Variants in DIP2C observed in about 807,000 individuals in gnomAD.
The protein encoded by DIP2C is disco-interacting protein 2 homolog C.
DIP2C carries 33 observed loss-of-function variants against 192.4 expected under a neutral mutation model. The observed-to-expected ratio is 0.17, with a 90% CI of 0.13 to 0.23. The LOEUF (loss-of-function observed/expected upper bound fraction) is 0.23. Ranked by LOEUF, DIP2C falls within the 10% of genes least tolerant of loss-of-function variation. The pLI is 1.00. For synonymous variants in DIP2C, 979 were observed against 864.1 expected, an observed-to-expected ratio of 1.13 and a Z score of -2.33; for missense variants, 1,537 against 2,110.1, an observed-to-expected ratio of 0.73 and a Z score of 5.32.
At chr10:293,971 CAG>C (rs1256444499) in intron 32 of DIP2C, among the ~76,000 whole-genome samples, 1 of 152,172 alleles carries the variant, frequency 6.6e-6, no homozygotes, top group Non-Finnish European at 1.5e-5. Flanking sequence ...CGAGAGAAAA[CAG>C]AGGAATGTTT....
rs570020522 is a variant in DIP2C at position 420,004 on chromosome 10, G to C, written c.605-805C>G. Among the ~76,000 whole-genome samples, 336 of 152,278 alleles carry C rather than the reference G, an allele frequency of 2.2e-3. 3 individuals carry two copies. The highest frequency in any genetic ancestry group is 3.9e-3 in the Non-Finnish European group (264 of 68,020). On this transcript the variant is annotated intron_variant, in intron 5 of 36. Transcript: ENST00000280886. ...CCACTGATGACGCCCGTCACACCCA[G>C]AATCTTGATGACGGGCGCCACGATG... is the stretch of plus-strand genomic sequence containing the variant.
At chr10:500,192 A>G (rs1335587024) in intron 1 of DIP2C, among the ~76,000 whole-genome samples, 4 of 152,002 alleles carry the variant, frequency 2.6e-5, no homozygotes, top group African/African-American at 9.7e-5. Flanking sequence ...CCTGACAACC[A>G]CCTCTGTGCT....
In DIP2C at chr10:592,510, T is replaced by C. The variant is rs946503331; in HGVS notation, c.85+96984A>G. ...ATAAACTATAGCCACAGGTACCAAC[T>C]AGCATAAAGAAAATATTTTTAAAAT... On this transcript the variant is annotated intron_variant, in intron 1 of 36. Transcript: ENST00000280886. Among the ~76,000 whole-genome samples, 11 of 151,542 alleles carry C rather than the reference T, an allele frequency of 7.3e-5. 1 individual carries two copies. Among genetic ancestry groups the C allele is most frequent in the Non-Finnish European group, 1.5e-4 (10 of 68,028 alleles).
intron 34 of DIP2C, among the ~76,000 whole-genome samples, chr10:283,823 CTT>C (rs893997860): frequency 6.6e-4 from 101 of 152,212 alleles, no homozygotes; most frequent in African/African-American, 2.4e-3. Flanking sequence ...TGCTGAAAAG[CTT>C]TGAGATTTCT....
At chr10:557,289 C>T (rs1045698464) in intron 1 of DIP2C, among the ~76,000 whole-genome samples, 1 of 152,216 alleles carries the variant, frequency 6.6e-6, no homozygotes, top group Non-Finnish European at 1.5e-5. Flanking sequence ...CAGATAGCCA[C>T]AGCCCTGGAC....
At chr10:378,140 C>T (rs558815054) in intron 17 of DIP2C, among the ~76,000 whole-genome samples, 5 of 152,230 alleles carry the variant, frequency 3.3e-5, no homozygotes, top group African/African-American at 1.2e-4. Flanking sequence ...CCCTATTTCC[C>T]CAATATTTTT....
intron 1 of DIP2C, among the ~76,000 whole-genome samples, chr10:579,122 C>A (rs1474143914): frequency 6.6e-6 from 1 of 152,006 alleles, no homozygotes; most frequent in Non-Finnish European, 1.5e-5. Context: ...TACATAGGTA[C>A]ACTAACATGT....
chr10:667,135 C>G (rs1356272673), intron 1 of DIP2C: 1 of 152,340 alleles, frequency 6.6e-6, no homozygotes, highest in Non-Finnish European at 1.5e-5. Flanking sequence ...AGGCGGATGA[C>G]ATGAGGTCAG....
chr10:431,458 ATTATT>A (rs760648832), intron 4 of DIP2C, among the ~76,000 whole-genome samples: 2 of 151,926 alleles, frequency 1.3e-5, no homozygotes, highest in Admixed American at 6.6e-5. Context: ...TTTTTAAATT[ATTATT>A]TTTAGTACAG....
intron 22 of DIP2C, 123 bp from the exon 23 acceptor site, chr10:358,060 C>A: frequency 1.6e-6 from 1 of 639,920 alleles, no homozygotes; most frequent in Non-Finnish European, 2.7e-6. Flanking sequence ...TTTGAATAAA[C>A]CTTCTAAGAA....
chr10:453,165 A>T (rs1046168895), intron 3 of DIP2C, among the ~76,000 whole-genome samples: 2 of 152,240 alleles, frequency 1.3e-5, no homozygotes, highest in African/African-American at 4.8e-5. Context: ...GATAAATGAA[A>T]TCTAGCAGCT....
intron 1 of DIP2C, among the ~76,000 whole-genome samples, chr10:518,831 C>T (rs910531357): frequency 2.0e-5 from 3 of 152,186 alleles, no homozygotes; most frequent in Non-Finnish European, 2.9e-5. Context: ...CTCTCCTCAC[C>T]GCCACCACAG....
chr10:274,992 C>T lies in DIP2C; in HGVS notation c.*2333G>A, dbSNP rs1954437223. The T allele has an allele frequency of 6.6e-6, 1 of 152,204 alleles. No homozygotes were observed. The highest frequency in any genetic ancestry group is 1.5e-5 in the Non-Finnish European group (1 of 68,034). The allele number at this position is 152,204 out of a possible 1,614,324, so 9.4% of individuals were successfully genotyped here. Reference sequence around the variant, plus strand: ...TGCACAACCAAATTTCAATCTCAGTCCACCAACTCTTTTGAGCCTAAACTC... The same window carrying T: ...TGCACAACCAAATTTCAATCTCAGTTCACCAACTCTTTTGAGCCTAAACTC... On this transcript the variant is annotated 3_prime_UTR_variant, in exon 37 of 37. Transcript: ENST00000280886.
At chr10:541,606 A>AC (rs1259716084) in intron 1 of DIP2C, among the ~76,000 whole-genome samples, 11 of 48,126 alleles carry the variant, frequency 2.3e-4, no homozygotes, top group South Asian at 6.6e-4. Flanking sequence ...GACCCTCCAC[A>AC]TGACCACACC....
intron 1 of DIP2C, among the ~76,000 whole-genome samples, chr10:492,936 G>A (rs1381660235): frequency 6.6e-6 from 1 of 152,234 alleles, no homozygotes; most frequent in Non-Finnish European, 1.5e-5. Flanking sequence ...TGTTAAAAGA[G>A]AATAATGTAG....
rs148121083 is a variant in DIP2C at position 672,401 on chromosome 10, G to A, written c.85+17093C>T. 1.0e-3 allele frequency among the ~76,000 whole-genome samples: 157 copies of A among 152,370 alleles called. 1 individual carries two copies. The highest frequency in any genetic ancestry group is 1.2e-3 in the Non-Finnish European group (80 of 68,040). ...GACAGGAACGTCCCGGCCATGCACTGTCCACTCCCACTAGGGACTCCCCGC... is the reference window on the plus strand; with the variant it reads ...GACAGGAACGTCCCGGCCATGCACTATCCACTCCCACTAGGGACTCCCCGC... On this transcript the variant is annotated intron_variant, in intron 1 of 36. Coordinates refer to ENST00000280886, the MANE Select transcript of DIP2C (RefSeq NM_014974.3).
At chr10:525,671 C>A (rs762646968) in intron 1 of DIP2C, among the ~76,000 whole-genome samples, 5 of 152,182 alleles carry the variant, frequency 3.3e-5, no homozygotes, top group Non-Finnish European at 7.4e-5. Context: ...GGTAGGATAA[C>A]AGGCCTTTGA....
chr10:611,003 A>C (rs1475163605), intron 1 of DIP2C, among the ~76,000 whole-genome samples: 9 of 135,304 alleles, frequency 6.7e-5, no homozygotes, highest in Non-Finnish European at 1.2e-4. Flanking sequence ...CTAACCCCCC[A>C]GTGTTGGAGG....
At chr10:654,251 TGAC>T (rs745923971) in intron 1 of DIP2C, among the ~76,000 whole-genome samples, 12 of 152,216 alleles carry the variant, frequency 7.9e-5, no homozygotes, top group Non-Finnish European at 1.3e-4. Context: ...AGTGTTTTTC[TGAC>T]AACAAAGTCA....
Sources: gnomAD v4.1 joint callset for allele counts (sites outside exome capture counted in the v4.1 genomes callset) on GRCh38, gnomAD v4.1.1 for gene constraint, MANE v1.5 for transcripts, NCBI Gene and HGNC (gene_info 2026-07-23, HGNC 2026-07-21) for gene names.